TNNI1: variants seen among roughly 807,000 people sequenced by gnomAD.
The protein encoded by TNNI1 is troponin I1, slow skeletal type, also known as troponin I, slow skeletal muscle.
Under a neutral mutation model 26.7 loss-of-function variants are expected in TNNI1, and 14 were observed. The ratio of observed to expected loss-of-function variants is 0.52; its 90% confidence interval spans 0.35 to 0.82. The LOEUF (loss-of-function observed/expected upper bound fraction) is 0.82, where lower values mean the gene tolerates loss of function less well. Ranked by LOEUF, TNNI1 falls within the 40% of genes least tolerant of loss-of-function variation. The pLI is 0.01. For synonymous variants in TNNI1, 79 were observed against 98.2 expected (o/e 0.80, Z 1.16); for missense variants, 164 against 257.0 (o/e 0.64, Z 2.47).
At chr1:201,410,247 C>T in intron 8 of TNNI1, 79 bp downstream of exon 8, 1 of 1,305,646 alleles carries the variant, frequency 7.7e-7, no homozygotes, top group Non-Finnish European at 1.1e-6. Context: ...CTAAGTACAA[C>T]CCGCCTGCCC....
intron 1 of TNNI1, among the ~76,000 whole-genome samples, chr1:201,418,964 A>T (rs533083081): frequency 3.9e-5 from 6 of 152,302 alleles, no homozygotes; most frequent in Admixed American, 3.9e-4. Context: ...CATTTTGCCT[A>T]TCAGAAGGTG....
intron 1 of TNNI1, among the ~76,000 whole-genome samples, chr1:201,419,913 C>A (rs1662825023): frequency 1.3e-5 from 2 of 152,294 alleles, no homozygotes; most frequent in South Asian, 4.1e-4. Context: ...ATTTTATGGG[C>A]AGCTGCTTAT....
Position 201,410,492 on chromosome 1 carries a change from C to T in TNNI1, c.457-57G>A, listed in dbSNP as rs999761446. The T allele has an allele frequency of 1.4e-5, 20 of 1,462,192 alleles. No homozygotes were observed. The African/African-American group carries it at 2.2e-4, about 16-fold the overall frequency. The allele number at this position is 1,462,192 out of a possible 1,614,324, so 90.6% of individuals were successfully genotyped here. A position where few individuals can be genotyped will look rare whatever the true frequency, so the allele number is the denominator to read the frequency against. ...TACCAGGCTGGACGGCCCCCCAGCT[C>T]AAGAGAAGCTGGGTGATAGGAAACC... is the stretch of plus-strand genomic sequence containing the variant. On this transcript the variant is annotated intron_variant, in intron 7 of 8. Transcript: ENST00000361379.
At chr1:201,417,667 G>A in intron 2 of TNNI1, 116 bp downstream of exon 2, 1 of 865,394 alleles carries the variant, frequency 1.2e-6, no homozygotes, top group Non-Finnish European at 1.6e-6. Context: ...TTGAGGACCT[G>A]GTCTCTTAGG....
At position 201,411,500 on chromosome 1, in the gene TNNI1, G is replaced by A. The variant is rs562023279; in HGVS notation, c.313C>T (p.Arg105Cys). ...AGGGGCGGGCGCTTGAACTTCCCACGGAGGTCCATCACCTTCAGCTTCAGG... is the reference window on the plus strand; with the variant it reads ...AGGGGCGGGCGCTTGAACTTCCCACAGAGGTCCATCACCTTCAGCTTCAGG... ...KDLKLKVMDL[R>C]GKFKRPPLRR... The change falls in exon 7 of 9, where the codon CGT becomes TGT. Residue 105 changes from arginine to cysteine, a missense_variant. Around this residue, in one of 3 missense-constraint regions of TNNI1, gnomAD observed 117 missense variants for 158.7 expected, o/e 0.74. Coordinates refer to ENST00000361379, the MANE Select transcript of TNNI1 (RefSeq NM_003281.4). This position sits in a 1 kb window ranked among gnomAD's most constrained non-coding sequence, Gnocchi z 4.6. 6.8e-6 allele frequency: 11 copies of A among 1,608,930 alleles called. No individual in the cohort carries two copies. Among genetic ancestry groups the A allele is most frequent in the East Asian group, 2.2e-5 (1 of 44,478 alleles).
rs2102369742 is a variant in TNNI1 at position 201,411,206 on chromosome 1, C to T, written c.456+151G>A. ...CAAATCTTCTTTCTTTCTTCCCACA[C>T]TGGTCTCCCAAAGCATTCTAGAATG... On this transcript the variant is annotated intron_variant, in intron 7 of 8. Transcript: ENST00000361379. This position sits in a 1 kb window ranked among gnomAD's most constrained non-coding sequence, Gnocchi z 4.6. 1 of 767,814 alleles carries T rather than the reference C, an allele frequency of 1.3e-6. No homozygotes were observed. The highest frequency in any genetic ancestry group is 2.1e-6 in the Non-Finnish European group (1 of 476,642). 47.6% of individuals were successfully genotyped at this position (767,814 alleles called of 1,614,324 possible). A position where few individuals can be genotyped will look rare whatever the true frequency, so the allele number is the denominator to read the frequency against.
At chr1:201,416,651 T>A (rs1662744895) in intron 3 of TNNI1, among the ~76,000 whole-genome samples, 1 of 152,166 alleles carries the variant, frequency 6.6e-6, no homozygotes, top group Non-Finnish European at 1.5e-5. Context: ...CCTGAGGGAT[T>A]TAAGGACATC....
intron 2 of TNNI1, 65 bp from the exon 3 acceptor site, chr1:201,417,184 G>A: frequency 6.2e-7 from 1 of 1,608,816 alleles, no homozygotes; most frequent in Admixed American, 1.7e-5. Flanking sequence ...TGAACAATGA[G>A]GATTACATGT....
Position 201,411,803 on chromosome 1 carries a change from C to T in TNNI1, c.280-270G>A, listed in dbSNP as rs1012125006. ...GCATGAGTTTGATTCTCATAAGGAG[C>T]GTGCAACCTAGATCCCTCACATGCA... On this transcript the variant is annotated intron_variant, in intron 6 of 8. Coordinates refer to ENST00000361379, the MANE Select transcript of TNNI1 (RefSeq NM_003281.4). This position sits in a 1 kb window ranked among gnomAD's most constrained non-coding sequence, Gnocchi z 4.6. 1.4e-4 allele frequency among the ~76,000 whole-genome samples: 22 copies of T among 152,310 alleles called. No individual in the cohort carries two copies. Among genetic ancestry groups the T allele is most frequent in the East Asian group, 7.7e-4 (4 of 5,188 alleles).
rs1252305469 is a variant in TNNI1 at position 201,407,643 on chromosome 1, C to G, written c.*1610G>C. The G allele has an allele frequency of 6.6e-6, 1 of 152,202 alleles. No individual in the cohort carries two copies. Among genetic ancestry groups the G allele is most frequent in the Non-Finnish European group, 1.5e-5 (1 of 68,068 alleles). 9.4% of individuals were successfully genotyped at this position (152,202 alleles called of 1,614,324 possible). ...GGTTGCTGCTCTGATAACTCAGCCC[C>G]TCCTAGGGCCAGTGCTAGGGTGGTC... On this transcript the variant is annotated 3_prime_UTR_variant, in exon 9 of 9. Coordinates refer to ENST00000361379, the MANE Select transcript of TNNI1 (RefSeq NM_003281.4).
In TNNI1 at chr1:201,404,529, G is replaced by A. The variant is rs1662479653; in HGVS notation, c.*4724C>T. The stretch of plus-strand genomic sequence containing the variant: ...GCCACCATTTTATTTTGTGAAGTAA[G>A]AGCATTAGAAAACAATTGCCACCTA... On this transcript the variant is annotated 3_prime_UTR_variant, in exon 9 of 9. Transcript: ENST00000361379. 1 of 152,184 alleles carries A rather than the reference G, an allele frequency of 6.6e-6. No individual in the cohort carries two copies. Among genetic ancestry groups the A allele is most frequent in the African/African-American group, 2.4e-5 (1 of 41,428 alleles). The allele number at this position is 152,184 out of a possible 1,614,324, so 9.4% of individuals were successfully genotyped here.
At position 201,406,067 on chromosome 1, in the gene TNNI1, G is replaced by A. The variant is rs1029967684; in HGVS notation, c.*3186C>T. On this transcript the variant is annotated 3_prime_UTR_variant, in exon 9 of 9. Coordinates refer to ENST00000361379, the MANE Select transcript of TNNI1 (RefSeq NM_003281.4). Reference sequence around the variant, plus strand: ...GTGTGGGGACTCCCCAGGTGCATATGCAGGACCCTCGACCCCCAGCTGTGT... The same window carrying A: ...GTGTGGGGACTCCCCAGGTGCATATACAGGACCCTCGACCCCCAGCTGTGT... The A allele has an allele frequency of 1.3e-5, 2 of 152,478 alleles. No individual in the cohort carries two copies. The highest frequency in any genetic ancestry group is 4.8e-5 in the African/African-American group (2 of 41,586). The allele number at this position is 152,478 out of a possible 1,614,324, so 9.4% of individuals were successfully genotyped here.
intron 1 of TNNI1, among the ~76,000 whole-genome samples, chr1:201,421,007 GAGGACCCCC>G (rs1432964382): frequency 6.6e-6 from 1 of 152,240 alleles, no homozygotes; most frequent in East Asian, 1.9e-4. Context: ...CTTCCTCCAA[GAGGACCCCC>G]AGTATCTACT....
At chr1:201,416,402 C>T (rs148289993) in intron 3 of TNNI1, among the ~76,000 whole-genome samples, 2,577 of 152,278 alleles carry the variant, frequency 0.017, 69 homozygotes, top group African/African-American at 0.058. Context: ...CACTTTAATA[C>T]GAGCCTCAGC....
chr1:201,410,372 G>T lies in TNNI1; in HGVS notation c.520C>A (p.Arg174=). The T allele has an allele frequency of 6.2e-7, 1 of 1,614,104 alleles. No homozygotes were observed. The highest frequency in any genetic ancestry group is 1.1e-5 in the South Asian group (1 of 91,072). The stretch of plus-strand genomic sequence containing the variant: ...TTGGCGGCATCAAACATCTTCTTCC[G>T]GCCTTCCATGCCAGACATGGCCTCC... ...NVEAMSGMEG[R]KKMFDAAKSP... is the part of the protein sequence containing the mutation. The change falls in exon 8 of 9, where the codon CGG becomes AGG. Residue 174 remains arginine, a synonymous_variant. Transcript: ENST00000361379.
chr1:201,412,996 C>G (rs1432961203), intron 6 of TNNI1, 36 bp downstream of exon 6: 53 of 1,604,792 alleles, frequency 3.3e-5, no homozygotes, highest in Non-Finnish European at 4.4e-5. Flanking sequence ...CTGCCCAACC[C>G]ATTATGGCCA....
intron 3 of TNNI1, among the ~76,000 whole-genome samples, chr1:201,415,933 T>C (rs1819291): frequency 0.84 from 127,991 of 152,046 alleles, 54,021 homozygotes; most frequent in Non-Finnish European, 0.88. Flanking sequence ...GGCTGCTTGG[T>C]CCCCAACTAA....
intron 5 of TNNI1, among the ~76,000 whole-genome samples, chr1:201,413,556 C>T (rs867664402): frequency 1.1e-4 from 17 of 152,170 alleles, no homozygotes; most frequent in Middle Eastern, 3.2e-3. Flanking sequence ...ACCAGCCTGA[C>T]CAATGTGGTG....
At chr1:201,412,965 G>T in intron 6 of TNNI1, 67 bp downstream of exon 6, 1 of 1,507,078 alleles carries the variant, frequency 6.6e-7, no homozygotes, top group Non-Finnish European at 9.2e-7. Context: ...TCCCATGGCT[G>T]CTGCATCCGT....
Sources: gnomAD v4.1 joint callset for allele counts (sites outside exome capture counted in the v4.1 genomes callset) on GRCh38, gnomAD v4.1.1 for gene constraint, gnomAD v4.1.1 regional missense constraint, Gnocchi (gnomAD v3.1) non-coding constraint, MANE v1.5 for transcripts, NCBI Gene and HGNC (gene_info 2026-07-23, HGNC 2026-07-21) for gene names.